Variants in MS4A1 observed in about 807,000 individuals in gnomAD.
The protein encoded by MS4A1 is B-lymphocyte antigen CD20.
A neutral mutation model predicts 26.5 loss-of-function variants in MS4A1; 16 were observed. The ratio of observed to expected loss-of-function variants is 0.60; its 90% CI spans 0.41 to 0.92. The LOEUF (loss-of-function observed/expected upper bound fraction) is 0.92. Ranked by LOEUF, MS4A1 falls within the 40% of genes least tolerant of loss-of-function variation. MS4A1 has a pLI of 0.00. For synonymous variants in MS4A1, 128 were observed against 117.6 expected, an observed-to-expected ratio of 1.09 and a Z score of -0.57; for missense variants, 350 against 353.0, an observed-to-expected ratio of 0.99 and a Z score of 0.07.
chr11:60,465,743 G>A, intron 5 of MS4A1, 178 bp from the exon 6 acceptor site: 1 of 618,122 alleles, frequency 1.6e-6, no homozygotes, highest in South Asian at 2.0e-5. Context: ...AAAAGAACAG[G>A]ATAGAGACAT....
In MS4A1 at chr11:60,470,545, A is replaced by G. The variant is rs948236480; in HGVS notation, c.*2077A>G. The stretch of plus-strand genomic sequence containing the variant: ...ATAGGAGACATCTTTAATGTCTGCT[A>G]TTAAAGAAGGATGAAAATTCCTATG... On this transcript the variant is annotated 3_prime_UTR_variant, in exon 8 of 8. Transcript: ENST00000345732. The G allele has an allele frequency of 6.6e-6, 1 of 151,988 alleles. No homozygotes were observed. Among genetic ancestry groups the G allele is most frequent in the Non-Finnish European group, 1.5e-5 (1 of 67,886 alleles). The allele number at this position is 151,988 out of a possible 1,614,324, so 9.4% of individuals were successfully genotyped here. A position where few individuals can be genotyped will look rare whatever the true frequency, so the allele number is the denominator to read the frequency against.
intron 5 of MS4A1, chr11:60,465,622 G>GTA: frequency 2.8e-6 from 1 of 362,724 alleles, no homozygotes; most frequent in South Asian, 3.3e-5. Context: ...CTAGGATGGT[G>GTA]GCAGTGGCAG....
intron 5 of MS4A1, among the ~76,000 whole-genome samples, chr11:60,464,848 A>G (rs1003702313): frequency 1.3e-5 from 2 of 152,200 alleles, no homozygotes; most frequent in South Asian, 2.1e-4. Flanking sequence ...TTCACAGGCT[A>G]TAAAGTACTA....
intron 6 of MS4A1, 140 bp downstream of exon 6, chr11:60,466,297 C>T: frequency 1.3e-6 from 1 of 770,686 alleles, no homozygotes; most frequent in Non-Finnish European, 2.3e-6. Context: ...AGAATTTTAA[C>T]CACACTGTGC....
intron 1 of MS4A1, among the ~76,000 whole-genome samples, chr11:60,457,599 A>G (rs944800668): frequency 1.3e-5 from 2 of 152,200 alleles, no homozygotes; most frequent in Non-Finnish European, 2.9e-5. Context: ...CCAACAGCCA[A>G]GATGAAGATG....
At position 60,469,827 on chromosome 11, in the gene MS4A1, T is replaced by C. The variant is rs963576091; in HGVS notation, c.*1359T>C. The C allele has an allele frequency of 6.6e-6, 1 of 152,138 alleles. No homozygotes were observed. Among genetic ancestry groups the C allele is most frequent in the Admixed American group, 6.5e-5 (1 of 15,282 alleles). The allele number at this position is 152,138 out of a possible 1,614,324, so 9.4% of individuals were successfully genotyped here. ...ATGTTAACCTAGGGTGAAGTCACTATAATCTGTAGTCTATTATTTGGGCAT... is the reference window on the plus strand; with the variant it reads ...ATGTTAACCTAGGGTGAAGTCACTACAATCTGTAGTCTATTATTTGGGCAT... On this transcript the variant is annotated 3_prime_UTR_variant, in exon 8 of 8. Coordinates refer to ENST00000345732, the MANE Select transcript of MS4A1 (RefSeq NM_152866.3).
intron 4 of MS4A1, 90 bp downstream of exon 4, chr11:60,463,211 G>A (rs188288934): frequency 6.5e-5 from 101 of 1,553,312 alleles, no homozygotes; most frequent in Admixed American, 3.0e-4. Context: ...TTTCTGTGTT[G>A]AGGGAAATAT....
rs1298761471 is a variant in MS4A1 at position 60,467,012 on chromosome 11, T to C, written c.627T>C (p.Ala209=). 6 of 1,614,096 alleles carry C rather than the reference T, an allele frequency of 3.7e-6. No individual in the cohort carries two copies. The African/African-American group carries it at 4.0e-5, about 11-fold the overall frequency. The change falls in exon 7 of 8, where the codon GCT becomes GCC. Residue 209 remains alanine (A), a synonymous_variant. Coordinates refer to ENST00000345732, the MANE Select transcript of MS4A1 (RefSeq NM_152866.3). ...IFAFFQELVI[A]GIVENEWKRT... ...CCTTCTTCCAGGAACTTGTAATAGC[T>C]GGCATCGTTGAGAATGAATGGAAAA...
Position 60,462,532 on chromosome 11 carries a change from G to GCCTAA in MS4A1, c.158_159insCCTAA (p.Ala54LeufsTer7). On this transcript the variant is annotated frameshift_variant and splice_region_variant, in exon 3 of 8. Coordinates refer to ENST00000345732, the MANE Select transcript of MS4A1 (RefSeq NM_152866.3). LOFTEE classifies it high-confidence loss of function. The stretch of plus-strand genomic sequence containing the variant: ...TTCATGAGGGAATCTAAGACTTTGG[G>GCCTAA]GGTAAGTCAGTTGCCTTCCATCCCA... 6.2e-7 allele frequency: 1 copy of GCCTAA among 1,614,130 alleles called. No individual in the cohort carries two copies. The highest frequency in any genetic ancestry group is 8.5e-7 in the Non-Finnish European group (1 of 1,180,012).
Position 60,470,614 on chromosome 11 carries a change from T to C in MS4A1, c.*2146T>C, listed in dbSNP as rs202119351. On this transcript the variant is annotated 3_prime_UTR_variant, in exon 8 of 8. Coordinates refer to ENST00000345732, the MANE Select transcript of MS4A1 (RefSeq NM_152866.3). ...CCTTTGGCAATATAGAGTCAAATAATAACATTGACCAATAGTAAACATGCT... is the reference window on the plus strand; with the variant it reads ...CCTTTGGCAATATAGAGTCAAATAACAACATTGACCAATAGTAAACATGCT... 6.6e-6 allele frequency: 1 copy of C among 151,984 alleles called. No individual in the cohort carries two copies. Among genetic ancestry groups the C allele is most frequent in the Non-Finnish European group, 1.5e-5 (1 of 67,872 alleles). 9.4% of individuals were successfully genotyped at this position (151,984 alleles called of 1,614,324 possible). A position where few individuals can be genotyped will look rare whatever the true frequency, so the allele number is the denominator to read the frequency against.
intron 4 of MS4A1, chr11:60,463,948 A>G: frequency 5.4e-6 from 2 of 371,426 alleles, no homozygotes; most frequent in Non-Finnish European, 1.0e-5. Flanking sequence ...TTAAAAACAA[A>G]GAAAAACTAG....
chr11:60,466,982 C>T lies in MS4A1; in HGVS notation c.597C>T (p.Ile199=), dbSNP rs184174552. 1.9e-6 allele frequency: 3 copies of T among 1,614,124 alleles called. No homozygotes were observed. Among genetic ancestry groups the T allele is most frequent in the African/African-American group, 1.3e-5 (1 of 75,048 alleles). ...LFLGILSVML[I]FAFFQELVIA... ...AGGGCATTTTGTCAGTGATGCTGAT[C>T]TTTGCCTTCTTCCAGGAACTTGTAA... The change falls in exon 7 of 8, where the codon ATC becomes ATT. Residue 199 remains isoleucine, a synonymous_variant. Coordinates refer to ENST00000345732, the MANE Select transcript of MS4A1 (RefSeq NM_152866.3).
chr11:60,465,999 C>G lies in MS4A1; in HGVS notation c.415C>G (p.Leu139Val). 1 of 1,613,766 alleles carries G rather than the reference C, an allele frequency of 6.2e-7. No individual in the cohort carries two copies. The highest frequency in any genetic ancestry group is 8.5e-7 in the Non-Finnish European group (1 of 1,179,784). Reference sequence around the variant, plus strand: ...AATGATTCTTTCAATCATGGACATACTTAATATTAAAATTTCCCATTTTTT... The same window carrying G: ...AATGATTCTTTCAATCATGGACATAGTTAATATTAAAATTTCCCATTTTTT... The part of the protein sequence containing the change: ...SGMILSIMDI[L>V]NIKISHFLKM... The change falls in exon 6 of 8, where the codon CTT becomes GTT. Residue 139 changes from leucine to valine, a missense_variant. By Grantham distance (32) the Leu-to-Val change is conservative. Coordinates refer to ENST00000345732, the MANE Select transcript of MS4A1 (RefSeq NM_152866.3).
Position 60,462,449 on chromosome 11 carries a change from T to C in MS4A1, c.75T>C (p.Ser25=). The C allele has an allele frequency of 6.2e-7, 1 of 1,614,232 alleles. No individual in the cohort carries two copies. Among genetic ancestry groups the C allele is most frequent in the Non-Finnish European group, 8.5e-7 (1 of 1,180,036 alleles). The change falls in exon 3 of 8, where the codon TCT becomes TCC. Residue 25 remains serine (S), a synonymous_variant. Coordinates refer to ENST00000345732, the MANE Select transcript of MS4A1 (RefSeq NM_152866.3). ...TGAAAGGCCCTATTGCTATGCAATC[T>C]GGTCCAAAACCACTCTTCAGGAGGA... ...EPMKGPIAMQ[S]GPKPLFRRMS...
At chr11:60,460,893 T>A (rs1220355626) in intron 1 of MS4A1, among the ~76,000 whole-genome samples, 179 bp from the exon 2 acceptor site, 1 of 151,832 alleles carries the variant, frequency 6.6e-6, no homozygotes, top group Non-Finnish European at 1.5e-5. Flanking sequence ...GTCTTACATC[T>A]CAGAGAGGGG....
Position 60,462,357 on chromosome 11 carries a change from A to G in MS4A1, c.-18A>G. On this transcript the variant is annotated 5_prime_UTR_variant, in exon 3 of 8. Transcript: ENST00000345732. ...TCATTTTGTTATTTGTTTTATTTTT[A>G]GGAGTTTTGAGAGCAAAATGACAAC... is the stretch of plus-strand genomic sequence containing the variant. 6.2e-7 allele frequency: 1 copy of G among 1,614,064 alleles called. No homozygotes were observed. The highest frequency in any genetic ancestry group is 8.5e-7 in the Non-Finnish European group (1 of 1,179,888).
Position 60,470,464 on chromosome 11 carries a change from G to A in MS4A1, c.*1996G>A, listed in dbSNP as rs1386114590. The A allele has an allele frequency of 6.6e-6, 1 of 151,934 alleles. No individual in the cohort carries two copies. Among genetic ancestry groups the A allele is most frequent in the Non-Finnish European group, 1.5e-5 (1 of 67,882 alleles). 9.4% of individuals were successfully genotyped at this position (151,934 alleles called of 1,614,324 possible). ...CCCATGGTTTCTCTAAGAATTTTGAGTCATTTGTATGACCTCAAATAATTA... is the reference window on the plus strand; with the variant it reads ...CCCATGGTTTCTCTAAGAATTTTGAATCATTTGTATGACCTCAAATAATTA... On this transcript the variant is annotated 3_prime_UTR_variant, in exon 8 of 8. Coordinates refer to ENST00000345732, the MANE Select transcript of MS4A1 (RefSeq NM_152866.3).
At chr11:60,460,659 C>G (rs2086240630) in intron 1 of MS4A1, among the ~76,000 whole-genome samples, 1 of 152,128 alleles carries the variant, frequency 6.6e-6, no homozygotes, top group Admixed American at 6.5e-5. Context: ...TTTTCAGATT[C>G]CAGGAAAGAC....
At position 60,462,415 on chromosome 11, in the gene MS4A1, C is replaced by T. The variant is rs568202047; in HGVS notation, c.41C>T (p.Ala14Val). The T allele has an allele frequency of 1.3e-5, 21 of 1,614,182 alleles. No homozygotes were observed. In the South Asian group the frequency reaches 1.3e-4, roughly 10 times the overall value. ...AATTCAGTAAATGGGACTTTCCCGG[C>T]AGAGCCAATGAAAGGCCCTATTGCT... ...PRNSVNGTFP[A>V]EPMKGPIAMQ... The change falls in exon 3 of 8, where the codon GCA (alanine) becomes GTA (valine). Residue 14 changes from alanine to valine, a missense_variant. Coordinates refer to ENST00000345732, the MANE Select transcript of MS4A1 (RefSeq NM_152866.3).
Sources: allele counts gnomAD v4.1 joint callset (sites outside exome capture counted in the v4.1 genomes callset), GRCh38; gene constraint gnomAD v4.1.1; transcripts MANE v1.5; gene names NCBI Gene and HGNC (gene_info 2026-07-23, HGNC 2026-07-21).